TRIM9: variants seen among roughly 807,000 people sequenced by gnomAD.
TRIM9 encodes E3 ubiquitin-protein ligase TRIM9.
In TRIM9, 26 loss-of-function variants were observed where a neutral mutation model predicts 78.3. That is an observed-to-expected ratio of 0.33 (90% confidence interval 0.24 to 0.46). The LOEUF is 0.46. Among genes scored for constraint, TRIM9 ranks in the 20% least tolerant of loss-of-function variants. The probability of loss-of-function intolerance (pLI) is 1.00; values close to 1 mark genes in which losing one functional copy is unlikely to be tolerated. For synonymous variants in TRIM9, 398 were observed against 416.5 expected, an observed-to-expected ratio of 0.96 and a Z score of 0.54; for missense variants, 787 against 1,036.4, an observed-to-expected ratio of 0.76 and a Z score of 3.30.
chr14:51,069,620 G>T (rs528853972), intron 1 of TRIM9, among the ~76,000 whole-genome samples: 2 of 152,326 alleles, frequency 1.3e-5, no homozygotes, highest in Admixed American at 1.3e-4. Context: ...CATTGTTGGT[G>T]TTTTTAATTT....
At chr14:51,000,992 A>C (rs1458607632) in intron 5 of TRIM9, 152 bp from the exon 6 acceptor site, 1 of 902,948 alleles carries the variant, frequency 1.1e-6, no homozygotes, top group Non-Finnish European at 1.7e-6. Context: ...CAGAGTCCCC[A>C]GGAGTCAGAC....
chr14:51,047,626 T>C (rs2060049766), intron 1 of TRIM9, among the ~76,000 whole-genome samples: 3 of 151,646 alleles, frequency 2.0e-5, no homozygotes, highest in African/African-American at 7.3e-5. Flanking sequence ...AGTACAAAGG[T>C]AAGTAGGATA....
chr14:51,080,435 G>GAA (rs1167250503), intron 1 of TRIM9, among the ~76,000 whole-genome samples: 1 of 79,344 alleles, frequency 1.3e-5, no homozygotes, highest in Non-Finnish European at 2.5e-5. Flanking sequence ...GAGTTTTATT[G>GAA]AACACACACA....
At chr14:50,998,300 G>C in intron 6 of TRIM9, 112 bp from the exon 7 acceptor site, 1 of 1,033,008 alleles carries the variant, frequency 9.7e-7, no homozygotes, top group East Asian at 2.4e-5. Context: ...TTCTAATCTG[G>C]ATTTGAATCC....
At chr14:51,047,142 C>T (rs2060010658) in intron 1 of TRIM9, among the ~76,000 whole-genome samples, 1 of 152,132 alleles carries the variant, frequency 6.6e-6, no homozygotes, top group Non-Finnish European at 1.5e-5. Flanking sequence ...CTTGTGTTTA[C>T]CATGAAGGTC....
chr14:50,996,024 T>C, intron 7 of TRIM9: 2 of 871,012 alleles, frequency 2.3e-6, no homozygotes, highest in Non-Finnish European at 2.8e-6. Flanking sequence ...TCTCACTGAA[T>C]GTATTAGAAT....
chr14:51,075,496 G>A (rs1295694051), intron 1 of TRIM9, among the ~76,000 whole-genome samples: 1 of 152,036 alleles, frequency 6.6e-6, no homozygotes, highest in African/African-American at 2.4e-5. Flanking sequence ...ATATCTCTAG[G>A]ACATTTACAA....
chr14:50,995,159 T>C lies in TRIM9; in HGVS notation c.1603+2891A>G, dbSNP rs566758980. On this transcript the variant is annotated intron_variant, in intron 7 of 12. Transcript: ENST00000684578. ...GAGCTACGGCACCTGACTCCTTTCC[T>C]TTTCTCTTAATAGCATGTTCTTTAT... Among the ~76,000 whole-genome samples, 5 of 152,300 alleles carry C rather than the reference T, an allele frequency of 3.3e-5. No homozygotes were observed. In the East Asian group the frequency reaches 9.6e-4, roughly 29 times the overall value.
chr14:50,986,922 G>C (rs1401175600), intron 7 of TRIM9, among the ~76,000 whole-genome samples: 1 of 152,198 alleles, frequency 6.6e-6, no homozygotes, highest in Non-Finnish European at 1.5e-5. Context: ...TATTATATCA[G>C]ACTAAAGACT....
intron 11 of TRIM9, among the ~76,000 whole-genome samples, chr14:50,981,323 G>T (rs148394852): frequency 6.6e-6 from 1 of 152,142 alleles, no homozygotes; most frequent in Non-Finnish European, 1.5e-5. Flanking sequence ...GTAATAAGAA[G>T]AATGGCTACT....
chr14:50,998,653 T>C (rs1394164529), intron 6 of TRIM9, among the ~76,000 whole-genome samples: 1 of 152,210 alleles, frequency 6.6e-6, no homozygotes, highest in Non-Finnish European at 1.5e-5. Flanking sequence ...GTCTCTATCC[T>C]ATGTTTAGAA....
At chr14:51,002,465 T>A (rs1406103354) in intron 5 of TRIM9, among the ~76,000 whole-genome samples, 5 of 151,942 alleles carry the variant, frequency 3.3e-5, no homozygotes, top group African/African-American at 9.7e-5. Flanking sequence ...TGCTTAAAAA[T>A]TTTTTTTCAG....
intron 1 of TRIM9, among the ~76,000 whole-genome samples, chr14:51,044,220 A>T (rs1481106048): frequency 2.6e-5 from 4 of 152,162 alleles, no homozygotes; most frequent in Non-Finnish European, 5.9e-5. Flanking sequence ...ATGCAGAAAA[A>T]AATTAGGTTG....
Position 50,977,060 on chromosome 14 carries a change from T to A in TRIM9, c.*231A>T. 1 of 361,086 alleles carries A rather than the reference T, an allele frequency of 2.8e-6. No individual in the cohort carries two copies. 22.4% of individuals were successfully genotyped at this position (361,086 alleles called of 1,614,324 possible). A position where few individuals can be genotyped will look rare whatever the true frequency, so the allele number is the denominator to read the frequency against. On this transcript the variant is annotated 3_prime_UTR_variant, in exon 13 of 13. Transcript: ENST00000684578. ...TGACTTGGTGGGCTGTCTAGGTCCTTTGTTGGTTAGAATTGTTGGACATGG... is the reference window on the plus strand; with the variant it reads ...TGACTTGGTGGGCTGTCTAGGTCCTATGTTGGTTAGAATTGTTGGACATGG...
At chr14:51,070,201 G>A (rs1268529095) in intron 1 of TRIM9, among the ~76,000 whole-genome samples, 2 of 152,348 alleles carry the variant, frequency 1.3e-5, no homozygotes, top group East Asian at 3.9e-4. Context: ...AATGCTTGGG[G>A]AGAAAATACA....
At chr14:51,017,732 C>T (rs1408185280) in intron 3 of TRIM9, among the ~76,000 whole-genome samples, 1 of 152,134 alleles carries the variant, frequency 6.6e-6, no homozygotes, top group African/African-American at 2.4e-5. Context: ...GAGGTGTCAC[C>T]CATATCTGGG....
intron 1 of TRIM9, among the ~76,000 whole-genome samples, chr14:51,049,254 C>T (rs866409646): frequency 2.6e-5 from 4 of 152,014 alleles, no homozygotes; most frequent in Admixed American, 1.3e-4. Context: ...TTAGTAGAGA[C>T]GGGGTTTCGC....
At chr14:51,046,335 T>C (rs2059948708) in intron 1 of TRIM9, among the ~76,000 whole-genome samples, 1 of 152,190 alleles carries the variant, frequency 6.6e-6, no homozygotes, top group South Asian at 2.1e-4. Flanking sequence ...AACACACACA[T>C]GCAAATGGGT....
chr14:50,997,119 T>C lies in TRIM9; in HGVS notation c.1603+931A>G, dbSNP rs991487491. 19 of 985,276 alleles carry C rather than the reference T, an allele frequency of 1.9e-5. No homozygotes were observed. The Admixed American group carries it at 3.1e-4, about 16-fold the overall frequency. 61.0% of individuals were successfully genotyped at this position (985,276 alleles called of 1,614,324 possible). A position where few individuals can be genotyped will look rare whatever the true frequency, so the allele number is the denominator to read the frequency against. On this transcript the variant is annotated intron_variant, in intron 7 of 12. Coordinates refer to ENST00000684578, the MANE Select transcript of TRIM9 (RefSeq NM_001387360.1). ...CGGTGAGGTGGGGGGGTGATTTCTT[T>C]GATTAAAATGACACCCCAAAGTGTC...
Sources: allele counts gnomAD v4.1 joint callset (sites outside exome capture counted in the v4.1 genomes callset), GRCh38; gene constraint gnomAD v4.1.1; transcripts MANE v1.5; gene names NCBI Gene and HGNC (gene_info 2026-07-23, HGNC 2026-07-21).